GAS2L3: variants seen among roughly 807,000 people sequenced by gnomAD.
GAS2L3 encodes GAS2-like protein 3.
In GAS2L3, 28 loss-of-function variants were observed where a neutral mutation model predicts 37.0. That is an observed-to-expected ratio of 0.76 (90% CI 0.56 to 1.04). GAS2L3 has a LOEUF of 1.04. Among genes scored for constraint, GAS2L3 ranks in the 50% least tolerant of loss-of-function variants. The pLI, the probability that GAS2L3 is intolerant of heterozygous loss-of-function variation, is 0.00. For synonymous variants in GAS2L3, 290 were observed against 296.6 expected, an observed-to-expected ratio of 0.98 and a Z score of 0.23; for missense variants, 793 against 817.6, an observed-to-expected ratio of 0.97 and a Z score of 0.37.
Position 100,624,938 on chromosome 12 carries a change from G to A in GAS2L3, c.*48G>A, listed in dbSNP as rs764418707. ...GAGAAAAGGAAGAATGAATGTGTTA[G>A]CTTCACATCTTAAAAGTTTCTCCTA... On this transcript the variant is annotated 3_prime_UTR_variant, in exon 10 of 10. Coordinates refer to ENST00000547754, the MANE Select transcript of GAS2L3 (RefSeq NM_174942.3). 5.1e-6 allele frequency: 7 copies of A among 1,376,472 alleles called. No individual in the cohort carries two copies. Among genetic ancestry groups the A allele is most frequent in the Non-Finnish European group, 6.0e-6 (6 of 1,003,952 alleles). 85.3% of individuals were successfully genotyped at this position (1,376,472 alleles called of 1,614,324 possible).
chr12:100,591,681 C>T (rs1955848610), intron 1 of GAS2L3, 55 bp from the exon 2 acceptor site: 1 of 152,036 alleles, frequency 6.6e-6, no homozygotes, highest in Non-Finnish European at 1.5e-5. Flanking sequence ...GGTATCGTCT[C>T]ATTTAATTTT....
intron 8 of GAS2L3, among the ~76,000 whole-genome samples, chr12:100,620,098 T>C (rs1956235546): frequency 6.6e-6 from 1 of 152,054 alleles, no homozygotes; most frequent in Non-Finnish European, 1.5e-5. Flanking sequence ...ATATTACTTT[T>C]TCATTTTTAT....
In GAS2L3 at chr12:100,625,098, C is replaced by G; in HGVS notation, c.*208C>G. ...TCTGAAGCAAACAGTTGTAAAATCA[C>G]TGCAAGGTTTTTATTAATAATAGAC... On this transcript the variant is annotated 3_prime_UTR_variant, in exon 10 of 10. Coordinates refer to ENST00000547754, the MANE Select transcript of GAS2L3 (RefSeq NM_174942.3). 2.2e-6 allele frequency: 1 copy of G among 445,624 alleles called. No individual in the cohort carries two copies. The highest frequency in any genetic ancestry group is 3.9e-6 in the Non-Finnish European group (1 of 253,486). 27.6% of individuals were successfully genotyped at this position (445,624 alleles called of 1,614,324 possible).
chr12:100,614,929 T>A (rs1956168801), intron 6 of GAS2L3, among the ~76,000 whole-genome samples: 1 of 152,204 alleles, frequency 6.6e-6, no homozygotes, highest in Admixed American at 6.5e-5. Flanking sequence ...TAGTGGGCAT[T>A]TGGATTGTTT....
At chr12:100,619,290 A>G (rs927953037) in intron 8 of GAS2L3, among the ~76,000 whole-genome samples, 1 of 151,880 alleles carries the variant, frequency 6.6e-6, no homozygotes, top group East Asian at 1.9e-4. Flanking sequence ...TTATCTGTTC[A>G]TTAGGTAGAA....
intron 1 of GAS2L3, among the ~76,000 whole-genome samples, chr12:100,589,010 A>G (rs1184030856): frequency 6.6e-6 from 1 of 152,200 alleles, no homozygotes; most frequent in African/African-American, 2.4e-5. Context: ...TTGTAGAGTT[A>G]ACACAATTAT....
At chr12:100,617,695 T>C in intron 6 of GAS2L3, 49 bp from the exon 7 acceptor site, 1 of 1,101,040 alleles carries the variant, frequency 9.1e-7, no homozygotes, top group Non-Finnish European at 1.4e-6. Flanking sequence ...AGAAATATGT[T>C]TCCATACTTA....
intron 8 of GAS2L3, among the ~76,000 whole-genome samples, chr12:100,619,515 A>G (rs1453048938): frequency 1.3e-5 from 2 of 152,092 alleles, no homozygotes. Context: ...TGTTTAATGT[A>G]ATAAAAGTCT....
intron 3 of GAS2L3, 100 bp downstream of exon 3, chr12:100,595,022 C>T (rs1955893403): frequency 7.8e-6 from 4 of 509,602 alleles, no homozygotes; most frequent in South Asian, 4.0e-5. Flanking sequence ...TCTTATTGTG[C>T]TAGTTTTTTT....
At chr12:100,608,806 C>T (rs972583948) in intron 5 of GAS2L3, among the ~76,000 whole-genome samples, 4 of 152,170 alleles carry the variant, frequency 2.6e-5, no homozygotes, top group African/African-American at 7.2e-5. Flanking sequence ...CTGCTACACC[C>T]GGCCTGAAGT....
rs1224026298 is a variant in GAS2L3, at chr12:100,616,896, G to C, written c.446-848G>C. On this transcript the variant is annotated intron_variant, in intron 6 of 9. Transcript: ENST00000547754. ...AGAGTGGACATCCTTGTCTTTTCCT[G>C]GTCTTGAGGGGGAGACTTGCAGTCT... 2.0e-5 allele frequency among the ~76,000 whole-genome samples: 3 copies of C among 152,082 alleles called. No individual in the cohort carries two copies. The East Asian group carries it at 5.8e-4, about 29-fold the overall frequency.
chr12:100,624,702 C>G lies in GAS2L3; in HGVS notation c.1897C>G (p.Gln633Glu). The G allele has an allele frequency of 6.2e-7, 1 of 1,614,100 alleles. No homozygotes were observed. Among genetic ancestry groups the G allele is most frequent in the Non-Finnish European group, 8.5e-7 (1 of 1,180,020 alleles). Residue 633 changes from glutamine (Q) to glutamate (E), a missense_variant, in exon 10 of 10, where the codon CAG becomes GAG. Physicochemically the swap from Gln to Glu is conservative, Grantham distance 29. Transcript: ENST00000547754. The stretch of plus-strand genomic sequence containing the variant: ...AACACAAACTGCACCGAAGTCAGCA[C>G]AGACTGTCGCTAAGAGCCAGCATTC... ...TKTQTAPKSA[Q>E]TVAKSQHSTK...
intron 6 of GAS2L3, among the ~76,000 whole-genome samples, chr12:100,614,551 A>C (rs184231542): frequency 5.3e-5 from 8 of 152,352 alleles, no homozygotes; most frequent in Admixed American, 4.6e-4. Flanking sequence ...TATGCTGTAC[A>C]TAATCTAAAA....
chr12:100,615,636 G>A (rs1307048540), intron 6 of GAS2L3, among the ~76,000 whole-genome samples: 4 of 151,852 alleles, frequency 2.6e-5, no homozygotes, highest in Non-Finnish European at 5.9e-5. Context: ...TTACTTTTAG[G>A]TCATTGATCT....
Position 100,624,435 on chromosome 12 carries a change from C to T in GAS2L3, c.1630C>T (p.Pro544Ser). 3 of 1,613,996 alleles carry T rather than the reference C, an allele frequency of 1.9e-6. No individual in the cohort carries two copies. The highest frequency in any genetic ancestry group is 2.5e-6 in the Non-Finnish European group (3 of 1,180,012). ...ACAGTCTCAACCATCCGATGGAGCC[C>T]CACAAGCAAAGCCAGTCCCAGCACA... The part of the protein sequence containing the change: ...GTQSQPSDGA[P>S]QAKPVPAQKL... Residue 544 changes from proline to serine, a missense_variant, in exon 10 of 10, where the codon CCA becomes TCA. By Grantham distance (74) the Pro-to-Ser change is moderately conservative. Transcript: ENST00000547754.
At chr12:100,579,016 C>A (rs756473328) in intron 1 of GAS2L3, 54 of 827,424 alleles carry the variant, frequency 6.5e-5, no homozygotes, top group Non-Finnish European at 1.1e-4. Flanking sequence ...AAGTCTATTA[C>A]TTGCCTCTGA....
At chr12:100,590,288 T>G (rs1390518868) in intron 1 of GAS2L3, among the ~76,000 whole-genome samples, 1 of 152,064 alleles carries the variant, frequency 6.6e-6, no homozygotes, top group African/African-American at 2.4e-5. Context: ...AAAGAAGATA[T>G]ACAAATGGCC....
intron 1 of GAS2L3, among the ~76,000 whole-genome samples, chr12:100,577,824 G>T (rs545686107): frequency 6.6e-6 from 1 of 152,354 alleles, no homozygotes; most frequent in Non-Finnish European, 1.5e-5. Flanking sequence ...TGGAAAAGAG[G>T]TGTAAGAAGA....
chr12:100,573,713 C>A lies in GAS2L3; in HGVS notation c.-224C>A. On this transcript the variant is annotated 5_prime_UTR_variant, in exon 1 of 10. Transcript: ENST00000547754. ...GGCGGCGGCAGCGGCGGCGGTTGGT[C>A]AGGGGCGTGTTGGCCCCGCACAGAT... 1 of 159,212 alleles carries A rather than the reference C, an allele frequency of 6.3e-6. No individual in the cohort carries two copies. The highest frequency in any genetic ancestry group is 1.7e-4 in the South Asian group (1 of 5,770). 9.9% of individuals were successfully genotyped at this position (159,212 alleles called of 1,614,324 possible).
Sources: gnomAD v4.1 joint callset for allele counts (sites outside exome capture counted in the v4.1 genomes callset) on GRCh38, gnomAD v4.1.1 for gene constraint, MANE v1.5 for transcripts, NCBI Gene and HGNC (gene_info 2026-07-23, HGNC 2026-07-21) for gene names.